The following GPHN variants were observed in gnomAD, a reference collection of about 807,000 sequenced individuals.
GPHN encodes gephyrin.
Under a neutral mutation model 95.5 loss-of-function variants are expected in GPHN, and 17 were observed. The observed-to-expected ratio is 0.18, with a 90% CI of 0.12 to 0.27. GPHN has a LOEUF of 0.27. GPHN is among the 10% of genes least tolerant of loss of function. GPHN has a pLI of 1.00. For synonymous variants in GPHN, 320 were observed against 322.5 expected (o/e 0.99, Z 0.08); for missense variants, 660 against 978.1 (o/e 0.67, Z 4.34).
At chr14:66,798,974 C>T (rs1330991955) in intron 3 of GPHN, among the ~76,000 whole-genome samples, 1 of 151,770 alleles carries the variant, frequency 6.6e-6, no homozygotes. Context: ...CCTCTTAGTA[C>T]TGCTTTTGCT....
At chr14:67,405,291 AGTTT>A in the GPHN span, among the ~76,000 whole-genome samples, 10 of 150,864 alleles carry the variant, frequency 6.6e-5, no homozygotes, top group Non-Finnish European at 1.3e-4. Flanking sequence ...GTACTGTTTT[AGTTT>A]GTTTACTTAT....
chr14:66,947,391 A>G (rs548634536), intron 8 of GPHN, among the ~76,000 whole-genome samples: 15 of 152,296 alleles, frequency 9.8e-5, no homozygotes, highest in Admixed American at 2.0e-4. Flanking sequence ...TATAGTTACA[A>G]TTATATACTT....
At chr14:66,926,757 A>G (rs2066504287) in intron 8 of GPHN, among the ~76,000 whole-genome samples, 1 of 152,078 alleles carries the variant, frequency 6.6e-6, no homozygotes, top group Non-Finnish European at 1.5e-5. Context: ...GTTCCATATA[A>G]ATGTTATGAT....
In GPHN at chr14:66,682,611, G is replaced by A. The variant is rs574762602; in HGVS notation, c.143+1426G>A. Reference sequence around the variant, plus strand: ...CAAAAAATACAAAAATTAGCTAGGCGTGGTGGCATGTGCCTGTAGTCCCAG... The same window carrying A: ...CAAAAAATACAAAAATTAGCTAGGCATGGTGGCATGTGCCTGTAGTCCCAG... On this transcript the variant is annotated intron_variant, in intron 2 of 22. Coordinates refer to ENST00000478722, the MANE Select transcript of GPHN (RefSeq NM_020806.5). Among the ~76,000 whole-genome samples the A allele has an allele frequency of 1.3e-4, 20 of 152,214 alleles. No homozygotes were observed. The Middle Eastern group carries it at 0.017, about 130-fold the overall frequency.
the GPHN span, chr14:67,586,604 G>A: frequency 9.1e-6 from 4 of 437,546 alleles, no homozygotes; most frequent in East Asian, 2.8e-4. Context: ...AATACAGGAA[G>A]TGTTGACCAG....
chr14:67,598,473 A>G, the GPHN span, among the ~76,000 whole-genome samples: 1 of 152,148 alleles, frequency 6.6e-6, no homozygotes, highest in African/African-American at 2.4e-5. Context: ...GAGACTTTGG[A>G]TAAGTCATTG....
intron 17 of GPHN, among the ~76,000 whole-genome samples, chr14:67,137,403 C>G (rs1038461475): frequency 1.3e-5 from 2 of 151,824 alleles, no homozygotes; most frequent in Admixed American, 6.5e-5. Context: ...CCTTGGCCTC[C>G]CAAAGTGCTA....
chr14:67,644,328 T>C, the GPHN span, among the ~76,000 whole-genome samples: 9 of 152,284 alleles, frequency 5.9e-5, no homozygotes, highest in African/African-American at 9.6e-5. Flanking sequence ...ATTATCCCTA[T>C]CTCACAGAAA....
At chr14:67,437,239 G>A in the GPHN span, among the ~76,000 whole-genome samples, 2 of 152,166 alleles carry the variant, frequency 1.3e-5, no homozygotes, top group African/African-American at 4.8e-5. Flanking sequence ...TCCTGCCTTC[G>A]TGGAACTTGC....
At chr14:67,197,308 A>G in the GPHN span, 1 of 152,316 alleles carries the variant, frequency 6.6e-6, no homozygotes, top group South Asian at 2.1e-4. Flanking sequence ...AACTGAAGTG[A>G]GTTAAAAACT....
chr14:67,601,945 C>T, the GPHN span, among the ~76,000 whole-genome samples: 13 of 151,398 alleles, frequency 8.6e-5, no homozygotes, highest in Admixed American at 5.9e-4. Context: ...TGAAAGGTTC[C>T]GTTTCTTCAT....
At chr14:67,668,083 G>GGGTCT in the GPHN span, among the ~76,000 whole-genome samples, 1 of 152,046 alleles carries the variant, frequency 6.6e-6, no homozygotes, top group Non-Finnish European at 1.5e-5. Flanking sequence ...GAAAATAATA[G>GGGTCT]GGTCTTGTGT....
chr14:67,334,275 A>G, the GPHN span: 3 of 152,646 alleles, frequency 2.0e-5, no homozygotes, highest in African/African-American at 7.2e-5. Flanking sequence ...TACTGTCTCT[A>G]TAGCTGTAGC....
At chr14:67,601,239 G>A in the GPHN span, among the ~76,000 whole-genome samples, 31 of 152,202 alleles carry the variant, frequency 2.0e-4, no homozygotes, top group Non-Finnish European at 3.8e-4. Context: ...GGAGGAATTT[G>A]CCAGAAAGAA....
chr14:66,825,848 A>T (rs1415681932), intron 4 of GPHN, among the ~76,000 whole-genome samples: 2 of 152,172 alleles, frequency 1.3e-5, no homozygotes, highest in Non-Finnish European at 2.9e-5. Flanking sequence ...TTCTATAGTT[A>T]GTGGTTCTTT....
chr14:67,511,883 T>A, the GPHN span, among the ~76,000 whole-genome samples: 1 of 152,354 alleles, frequency 6.6e-6, no homozygotes, highest in East Asian at 1.9e-4. Flanking sequence ...TTTTCCATCT[T>A]GGAAATGTGA....
chr14:67,724,427 G>A, the GPHN span: 6 of 1,168,896 alleles, frequency 5.1e-6, no homozygotes, highest in Non-Finnish European at 6.3e-6. Flanking sequence ...CTTAGTGTGA[G>A]CTCGTGAAGG....
At chr14:66,921,441 A>ATT (rs1567104236) in intron 6 of GPHN, among the ~76,000 whole-genome samples, 1 of 140,038 alleles carries the variant, frequency 7.1e-6, no homozygotes, top group Non-Finnish European at 1.6e-5. Context: ...TTTTGATGGG[A>ATT]TTGTTTTTTT....
chr14:67,154,615 A>C (rs1023988055), intron 18 of GPHN, among the ~76,000 whole-genome samples: 1 of 151,984 alleles, frequency 6.6e-6, no homozygotes, highest in Non-Finnish European at 1.5e-5. Flanking sequence ...AGATATAGAT[A>C]TATATAGATA....
Sources: allele counts gnomAD v4.1 joint callset (sites outside exome capture counted in the v4.1 genomes callset), GRCh38; gene constraint gnomAD v4.1.1; transcripts MANE v1.5; gene names NCBI Gene and HGNC (gene_info 2026-07-23, HGNC 2026-07-21).